SMAD5: variants seen among roughly 807,000 people sequenced by gnomAD.
The protein encoded by SMAD5 is MAD, mothers against decapentaplegic homolog 5.
In SMAD5, 9 loss-of-function variants were observed where a neutral mutation model predicts 43.1. That is an observed-to-expected ratio of 0.21 (90% CI 0.13 to 0.36). The LOEUF (loss-of-function observed/expected upper bound fraction) is 0.36, where lower values mean the gene tolerates loss of function less well. Among genes scored for constraint, SMAD5 ranks in the 10% least tolerant of loss-of-function variants. The pLI is 1.00. For synonymous variants in SMAD5, 190 were observed against 192.4 expected, an observed-to-expected ratio of 0.99 and a Z score of 0.10; for missense variants, 348 against 574.0, an observed-to-expected ratio of 0.61 and a Z score of 4.02.
intron 1 of SMAD5, among the ~76,000 whole-genome samples, chr5:136,135,394 A>G (rs186917182): frequency 1.3e-3 from 197 of 152,302 alleles, no homozygotes; most frequent in African/African-American, 4.6e-3. Context: ...TGTTTTCATC[A>G]TGAACCCAAA....
At chr5:136,172,816 A>T in intron 6 of SMAD5, 161 bp downstream of exon 6, 1 of 602,462 alleles carries the variant, frequency 1.7e-6, no homozygotes, top group Non-Finnish European at 3.0e-6. Context: ...AAATAAAGAC[A>T]TGATGTTCCC....
chr5:136,168,441 T>G (rs1340616944), intron 5 of SMAD5, among the ~76,000 whole-genome samples: 1 of 152,102 alleles, frequency 6.6e-6, no homozygotes, highest in Non-Finnish European at 1.5e-5. Context: ...CATTTTTTAG[T>G]TCAGTTTTTG....
intron 1 of SMAD5, among the ~76,000 whole-genome samples, chr5:136,137,270 A>ACCCT (rs1752917238): frequency 8.0e-6 from 1 of 125,218 alleles, no homozygotes; most frequent in African/African-American, 3.1e-5. Context: ...ATTTTTTGGG[A>ACCCT]CCCCCCCCCG....
intron 1 of SMAD5, among the ~76,000 whole-genome samples, chr5:136,137,481 A>C (rs1752928766): frequency 6.6e-6 from 1 of 152,132 alleles, no homozygotes; most frequent in Non-Finnish European, 1.5e-5. Flanking sequence ...TCTTGGGAGG[A>C]GGCTTACATC....
At chr5:136,151,316 T>G (rs1160297646) in intron 2 of SMAD5, among the ~76,000 whole-genome samples, 1 of 151,992 alleles carries the variant, frequency 6.6e-6, no homozygotes, top group Non-Finnish European at 1.5e-5. Flanking sequence ...GAGAATGTTG[T>G]GAGAATGGGC....
intron 1 of SMAD5, among the ~76,000 whole-genome samples, chr5:136,143,626 G>T (rs1169093245): frequency 6.6e-6 from 1 of 151,470 alleles, no homozygotes; most frequent in Non-Finnish European, 1.5e-5. Context: ...CCTCGTCCTT[G>T]TACTTTCTTG....
chr5:136,164,306 TA>T (rs1753923324), intron 5 of SMAD5, among the ~76,000 whole-genome samples: 1 of 152,220 alleles, frequency 6.6e-6, no homozygotes, highest in Admixed American at 6.5e-5. Context: ...TTTAACTACT[TA>T]AGAAAACTAT....
rs375623921 is a variant in SMAD5 at position 136,173,117 on chromosome 5, C to T, written c.997+462C>T. The stretch of plus-strand genomic sequence containing the variant: ...AAGTGTTACCATGATGTGAGAGGAG[C>T]GGAATTAGAAATGGGAAATCTAGTG... On this transcript the variant is annotated intron_variant, in intron 6 of 7. Coordinates refer to ENST00000545279, the MANE Select transcript of SMAD5 (RefSeq NM_005903.7). Among the ~76,000 whole-genome samples, 38 of 152,044 alleles carry T rather than the reference C, an allele frequency of 2.5e-4. 1 individual carries two copies. In the Middle Eastern group the frequency reaches 0.017, roughly 68 times the overall value.
At chr5:136,145,592 G>A (rs1753233250) in intron 1 of SMAD5, among the ~76,000 whole-genome samples, 1 of 151,916 alleles carries the variant, frequency 6.6e-6, no homozygotes, top group Non-Finnish European at 1.5e-5. Flanking sequence ...ATGACTGTAT[G>A]CTTATTGAAA....
rs930976992 is a variant in SMAD5 at position 136,174,719 on chromosome 5, A to G, written c.1254+87A>G. 6.6e-6 allele frequency: 6 copies of G among 914,814 alleles called. No individual in the cohort carries two copies. The East Asian group carries it at 1.2e-4, about 19-fold the overall frequency. The allele number at this position is 914,814 out of a possible 1,614,324, so 56.7% of individuals were successfully genotyped here. On this transcript the variant is annotated intron_variant, in intron 7 of 7. Coordinates refer to ENST00000545279, the MANE Select transcript of SMAD5 (RefSeq NM_005903.7). ...TATAATTTTTAAAAATTGTTAAATG[A>G]AAGTTGATAATTGCTTTTGGCCTGA... is the stretch of plus-strand genomic sequence containing the variant.
At chr5:136,144,423 A>G (rs529356214) in intron 1 of SMAD5, among the ~76,000 whole-genome samples, 18 of 152,102 alleles carry the variant, frequency 1.2e-4, no homozygotes, top group African/African-American at 4.3e-4. Context: ...TTTGTCTTCT[A>G]TCCCTGATTA....
Position 136,154,146 on chromosome 5 carries a change from A to G in SMAD5, c.386A>G (p.Lys129Arg), listed in dbSNP as rs773049930. Residue 129 changes from lysine to arginine, a missense_variant, in exon 3 of 8, where the codon AAG becomes AGG. By Grantham distance (26) the Lys-to-Arg change is conservative. Around this residue, in one of 5 missense-constraint regions of SMAD5, gnomAD observed 185 missense variants for 207.0 expected, o/e 0.89. Coordinates refer to ENST00000545279, the MANE Select transcript of SMAD5 (RefSeq NM_005903.7). ...KEVCINPYHY[K>R]RVESPVLPPV... ...GTTTGTATCAACCCATACCACTATA[A>G]GAGAGTGGAGAGTCCAGGTAGGTCT... 6 of 1,559,698 alleles carry G rather than the reference A, an allele frequency of 3.8e-6. No individual in the cohort carries two copies. The highest frequency in any genetic ancestry group is 5.2e-6 in the Non-Finnish European group (6 of 1,156,882).
At chr5:136,165,662 A>ATATTTTT (rs1561653930) in intron 5 of SMAD5, among the ~76,000 whole-genome samples, 52 of 65,450 alleles carry the variant, frequency 7.9e-4, no homozygotes, top group South Asian at 1.3e-3. Context: ...GAATCATACA[A>ATATTTTT]TTTTTTTTTT....
intron 3 of SMAD5, among the ~76,000 whole-genome samples, chr5:136,155,176 C>G (rs1753595770): frequency 6.6e-6 from 1 of 152,058 alleles, no homozygotes; most frequent in Non-Finnish European, 1.5e-5. Flanking sequence ...TTAAACATAC[C>G]AAATGTAATA....
intron 1 of SMAD5, among the ~76,000 whole-genome samples, chr5:136,138,941 A>G (rs1157468031): frequency 6.6e-6 from 1 of 152,230 alleles, no homozygotes; most frequent in Non-Finnish European, 1.5e-5. Context: ...GTTGTGACCC[A>G]TTATGGGCAT....
At position 136,172,579 on chromosome 5, in the gene SMAD5, T is replaced by C. The variant is rs753574663; in HGVS notation, c.921T>C (p.Ser307=). The part of the protein sequence containing the change: ...DGFTDPSNNK[S]RFCLGLLSNV... The stretch of plus-strand genomic sequence containing the variant: ...TCACAGATCCTTCAAATAACAAAAG[T>C]AGATTCTGCTTGGGTTTGTTGTCAA... Residue 307 remains serine, a synonymous_variant, in exon 6 of 8, where the codon AGT becomes AGC. Transcript: ENST00000545279. 8.1e-6 allele frequency: 13 copies of C among 1,613,206 alleles called. No individual in the cohort carries two copies. The East Asian group carries it at 2.2e-4, about 28-fold the overall frequency.
rs1420751119 is a variant in SMAD5, at chr5:136,177,266, A to G, written c.1255-71A>G. On this transcript the variant is annotated intron_variant, in intron 7 of 7. Transcript: ENST00000545279. Reference sequence around the variant, plus strand: ...TACTGTTAAAAGCTATCTTTTTCTTATGGTAAAATTGGTTTAGAGTGGTTG... The same window carrying G: ...TACTGTTAAAAGCTATCTTTTTCTTGTGGTAAAATTGGTTTAGAGTGGTTG... 3.8e-6 allele frequency: 5 copies of G among 1,320,968 alleles called. No homozygotes were observed. In the African/African-American group the frequency reaches 5.8e-5, roughly 15 times the overall value. The allele number at this position is 1,320,968 out of a possible 1,614,324, so 81.8% of individuals were successfully genotyped here. A position where few individuals can be genotyped will look rare whatever the true frequency, so the allele number is the denominator to read the frequency against.
intron 1 of SMAD5, among the ~76,000 whole-genome samples, chr5:136,136,122 A>G (rs6874261): frequency 0.36 from 54,783 of 152,094 alleles, 10,848 homozygotes; most frequent in African/African-American, 0.54. Context: ...GGAAGCTGGG[A>G]TGCAATATAG....
chr5:136,181,200 A>G lies in SMAD5; in HGVS notation c.*3720A>G, dbSNP rs941114692. On this transcript the variant is annotated 3_prime_UTR_variant, in exon 8 of 8. Transcript: ENST00000545279. Reference sequence around the variant, plus strand: ...TTATCACCTTTGCCACTTAAAATATATAAATATCCTTTTTACTTCATGAGG... The same window carrying G: ...TTATCACCTTTGCCACTTAAAATATGTAAATATCCTTTTTACTTCATGAGG... 6.6e-6 allele frequency: 1 copy of G among 152,152 alleles called. No individual in the cohort carries two copies. Among genetic ancestry groups the G allele is most frequent in the Non-Finnish European group, 1.5e-5 (1 of 67,982 alleles). 9.4% of individuals were successfully genotyped at this position (152,152 alleles called of 1,614,324 possible). A position where few individuals can be genotyped will look rare whatever the true frequency, so the allele number is the denominator to read the frequency against.
Sources: gnomAD v4.1 joint callset for allele counts (sites outside exome capture counted in the v4.1 genomes callset) on GRCh38, gnomAD v4.1.1 for gene constraint, gnomAD v4.1.1 regional missense constraint, MANE v1.5 for transcripts, NCBI Gene and HGNC (gene_info 2026-07-23, HGNC 2026-07-21) for gene names.